The following SNX9 variants were observed in gnomAD, a reference collection of about 807,000 sequenced individuals.
SNX9 encodes sorting nexin-9.
In SNX9, 44 loss-of-function variants were observed where a neutral mutation model predicts 89.4. That is an observed-to-expected ratio of 0.49 (90% CI 0.39 to 0.63). The LOEUF (loss-of-function observed/expected upper bound fraction) is 0.63. Among genes scored for constraint, SNX9 ranks in the 30% least tolerant of loss-of-function variants. SNX9 has a pLI of 0.00. For synonymous variants in SNX9, 236 were observed against 247.8 expected (o/e 0.95, Z 0.45); for missense variants, 578 against 736.1 (o/e 0.79, Z 2.49).
At chr6:157,841,899 A>T (rs1015700837) in intron 1 of SNX9, among the ~76,000 whole-genome samples, 22 of 152,340 alleles carry the variant, frequency 1.4e-4, no homozygotes, top group African/African-American at 5.0e-4. Flanking sequence ...CATGGACAAA[A>T]GTAGAACAGC....
chr6:157,884,237 G>A (rs1782686394), intron 4 of SNX9, among the ~76,000 whole-genome samples: 6 of 152,094 alleles, frequency 3.9e-5, no homozygotes, highest in Admixed American at 3.9e-4. Context: ...AAGTTAAGTG[G>A]TATTTAAGGA....
intron 1 of SNX9, among the ~76,000 whole-genome samples, chr6:157,866,356 T>C (rs1782260848): frequency 1.3e-5 from 2 of 152,148 alleles, no homozygotes; most frequent in African/African-American, 4.8e-5. Context: ...GGAAGATCTC[T>C]TGAGCCCAGG....
chr6:157,843,393 A>G (rs888751963), intron 1 of SNX9, among the ~76,000 whole-genome samples: 5 of 152,000 alleles, frequency 3.3e-5, no homozygotes, highest in African/African-American at 9.7e-5. Context: ...TTTGTATGTT[A>G]TATGTATTAC....
intron 7 of SNX9, among the ~76,000 whole-genome samples, chr6:157,908,769 C>G (rs1045852415): frequency 1.3e-5 from 2 of 152,232 alleles, no homozygotes; most frequent in Non-Finnish European, 2.9e-5. Flanking sequence ...TACACCCCCA[C>G]ATAGAATTTA....
intron 10 of SNX9, among the ~76,000 whole-genome samples, chr6:157,924,164 T>A (rs192971385): frequency 6.6e-6 from 1 of 152,098 alleles, no homozygotes; most frequent in East Asian, 1.9e-4. Flanking sequence ...GCCACTGCAC[T>A]CCAGCCTGGG....
chr6:157,894,679 A>G (rs1328091868), intron 4 of SNX9, among the ~76,000 whole-genome samples: 1 of 152,184 alleles, frequency 6.6e-6, no homozygotes. Flanking sequence ...ATACTTTTTA[A>G]AAAGAAGTAT....
At chr6:157,915,623 TAA>T (rs1172699831) in intron 9 of SNX9, among the ~76,000 whole-genome samples, 8 of 71,260 alleles carry the variant, frequency 1.1e-4, no homozygotes, top group African/African-American at 6.0e-4. Context: ...CCATCTCTAC[TAA>T]AAAAAAAAAA....
In SNX9 at chr6:157,906,120, A is replaced by G; in HGVS notation, c.621-8A>G. 6.2e-7 allele frequency: 1 copy of G among 1,608,846 alleles called. No individual in the cohort carries two copies. The highest frequency in any genetic ancestry group is 8.5e-7 in the Non-Finnish European group (1 of 1,177,626). On this transcript the variant is annotated splice_polypyrimidine_tract_variant and splice_region_variant and intron_variant, in intron 6 of 17. Coordinates refer to ENST00000392185, the MANE Select transcript of SNX9 (RefSeq NM_016224.5). ...TTAAGACTGATGAACATTTATATTC[A>G]TGATTAGATTTCCTGGATTTGCGAA...
At chr6:157,900,989 G>A (rs1419219047) in intron 5 of SNX9, among the ~76,000 whole-genome samples, 3 of 152,112 alleles carry the variant, frequency 2.0e-5, no homozygotes, top group Non-Finnish European at 2.9e-5. Flanking sequence ...CCATATGGAC[G>A]GTGCCCCCAT....
chr6:157,936,290 C>T (rs964038170), intron 14 of SNX9, among the ~76,000 whole-genome samples: 4 of 152,146 alleles, frequency 2.6e-5, no homozygotes, highest in African/African-American at 7.2e-5. Flanking sequence ...CTTTGGGAGG[C>T]CAAGGCGGGT....
At position 157,943,028 on chromosome 6, in the gene SNX9, A is replaced by G. The variant is rs1784074774; in HGVS notation, c.*190A>G. The G allele has an allele frequency of 2.0e-5, 10 of 504,280 alleles. No individual in the cohort carries two copies. In the Admixed American group the frequency reaches 2.7e-4, roughly 14 times the overall value. The allele number at this position is 504,280 out of a possible 1,614,324, so 31.2% of individuals were successfully genotyped here. On this transcript the variant is annotated 3_prime_UTR_variant, in exon 18 of 18. Coordinates refer to ENST00000392185, the MANE Select transcript of SNX9 (RefSeq NM_016224.5). ...GTTATTTAGGGATGGTCTTTTGTTCATTTCCGCATCCATTATTTAAACCAG... is the reference window on the plus strand; with the variant it reads ...GTTATTTAGGGATGGTCTTTTGTTCGTTTCCGCATCCATTATTTAAACCAG...
intron 4 of SNX9, among the ~76,000 whole-genome samples, chr6:157,893,411 T>A (rs915138044): frequency 6.6e-6 from 1 of 152,204 alleles, no homozygotes; most frequent in African/African-American, 2.4e-5. Flanking sequence ...GACATCATAC[T>A]TGCACATCAA....
intron 7 of SNX9, among the ~76,000 whole-genome samples, chr6:157,906,434 G>T (rs189336961): frequency 6.6e-6 from 1 of 152,220 alleles, no homozygotes; most frequent in African/African-American, 2.4e-5. Flanking sequence ...CAGACTTTTA[G>T]TATTGAACAA....
chr6:157,883,636 G>A (rs1353414224), intron 4 of SNX9, among the ~76,000 whole-genome samples: 2 of 152,248 alleles, frequency 1.3e-5, no homozygotes, highest in Non-Finnish European at 1.5e-5. Context: ...TTATGTATTT[G>A]TCTCCAGGCA....
intron 10 of SNX9, among the ~76,000 whole-genome samples, chr6:157,926,804 A>C (rs1265573095): frequency 6.8e-6 from 1 of 146,544 alleles, no homozygotes; most frequent in African/African-American, 2.6e-5. Flanking sequence ...AAAAAAAAAA[A>C]GTATAGGGTG....
chr6:157,858,978 A>G (rs539187468), intron 1 of SNX9, among the ~76,000 whole-genome samples: 1 of 152,340 alleles, frequency 6.6e-6, no homozygotes, highest in East Asian at 1.9e-4. Context: ...GCCAAACCAT[A>G]TCACATACTC....
chr6:157,911,512 C>T (rs997972640), intron 9 of SNX9, among the ~76,000 whole-genome samples: 5 of 152,224 alleles, frequency 3.3e-5, no homozygotes, highest in African/African-American at 9.6e-5. Flanking sequence ...GTTTGTCCCA[C>T]GTGTTCCTGG....
rs1439325555 is a variant in SNX9 at position 157,827,060 on chromosome 6, CAT to C, written c.12+3619_12+3620del. On this transcript the variant is annotated intron_variant, in intron 1 of 17. Transcript: ENST00000392185. ...TATTATAGTTTATATAATATATAAA[CAT>C]ATATTATAGTTTATATAATATATAA... 1.1e-3 allele frequency among the ~76,000 whole-genome samples: 4 copies of C among 3,740 alleles called. No homozygotes were observed. In the East Asian group the frequency reaches 0.025, roughly 23 times the overall value. The allele number at this position is 3,740 out of a possible 152,430, so 2.5% of individuals were successfully genotyped here.
At chr6:157,834,148 T>G (rs1195058373) in intron 1 of SNX9, among the ~76,000 whole-genome samples, 3 of 94,734 alleles carry the variant, frequency 3.2e-5, no homozygotes, top group Admixed American at 1.2e-4. Flanking sequence ...GTGTCCACTG[T>G]GGTTTTTTTT....
Sources: gnomAD v4.1 joint callset for allele counts (sites outside exome capture counted in the v4.1 genomes callset) on GRCh38, gnomAD v4.1.1 for gene constraint, MANE v1.5 for transcripts, NCBI Gene and HGNC (gene_info 2026-07-23, HGNC 2026-07-21) for gene names.